Variants in CAMK1D observed in about 807,000 individuals in gnomAD.
CAMK1D encodes the protein calcium/calmodulin-dependent protein kinase type 1D.
CAMK1D carries 9 observed loss-of-function variants against 47.7 expected under a neutral mutation model. That is an observed-to-expected ratio of 0.19 (90% CI 0.11 to 0.33). The LOEUF is 0.33. Among genes scored for constraint, CAMK1D ranks in the 10% least tolerant of loss-of-function variants. The pLI is 1.00. For synonymous variants in CAMK1D, 184 were observed against 184.9 expected (o/e 0.99, Z 0.04); for missense variants, 291 against 488.7 (o/e 0.60, Z 3.81).
intron 7 of CAMK1D, among the ~76,000 whole-genome samples, chr10:12,814,893 A>T (rs1239119641): frequency 6.6e-6 from 1 of 152,198 alleles, no homozygotes; most frequent in Non-Finnish European, 1.5e-5. Flanking sequence ...ACGCTGAGAG[A>T]TGGGGACCCA....
chr10:12,534,457 C>T (rs919919241), intron 1 of CAMK1D, among the ~76,000 whole-genome samples: 1 of 152,228 alleles, frequency 6.6e-6, no homozygotes, highest in African/African-American at 2.4e-5. Flanking sequence ...ACCTCCACCT[C>T]CTGGGTTCAA....
intron 1 of CAMK1D, among the ~76,000 whole-genome samples, chr10:12,427,339 C>G (rs1394423412): frequency 6.6e-6 from 1 of 152,200 alleles, no homozygotes; most frequent in East Asian, 1.9e-4. Context: ...TGGCAGGTGG[C>G]TGCCCAGAGG....
intron 2 of CAMK1D, among the ~76,000 whole-genome samples, chr10:12,598,402 T>G (rs776102019): frequency 6.6e-6 from 1 of 152,218 alleles, no homozygotes; most frequent in Non-Finnish European, 1.5e-5. Flanking sequence ...TAAGGGGCTC[T>G]CAAGATACAT....
intron 1 of CAMK1D, among the ~76,000 whole-genome samples, chr10:12,523,160 G>A (rs1313186274): frequency 6.6e-6 from 1 of 151,740 alleles, no homozygotes. Context: ...TCGCGGCTGG[G>A]CAGAGGCGCT....
intron 6 of CAMK1D, among the ~76,000 whole-genome samples, chr10:12,796,258 G>A (rs891775519): frequency 2.0e-5 from 3 of 152,184 alleles, no homozygotes; most frequent in South Asian, 2.1e-4. Flanking sequence ...AGAGCAGGCT[G>A]GACGGGTGGG....
intron 1 of CAMK1D, among the ~76,000 whole-genome samples, chr10:12,505,123 T>C (rs1191462051): frequency 6.6e-6 from 1 of 152,212 alleles, no homozygotes. Flanking sequence ...CTGTGAGCAT[T>C]GTTAACCCCA....
chr10:12,580,192 C>T (rs1316528551), intron 2 of CAMK1D, among the ~76,000 whole-genome samples: 1 of 152,166 alleles, frequency 6.6e-6, no homozygotes, highest in Non-Finnish European at 1.5e-5. Flanking sequence ...TGAGCCAGAT[C>T]TGTCCTGTCT....
In CAMK1D at chr10:12,773,805, A is replaced by T. The variant is rs146501913; in HGVS notation, c.565+4006A>T. ...GCCTCCCTACTCAGGAGGCTGAGGC[A>T]GGAGAATCACTTAAACCTGGGAGAC... is the stretch of plus-strand genomic sequence containing the variant. On this transcript the variant is annotated intron_variant, in intron 5 of 10. Coordinates refer to ENST00000619168, the MANE Select transcript of CAMK1D (RefSeq NM_153498.4). 4.0e-3 allele frequency among the ~76,000 whole-genome samples: 612 copies of T among 152,304 alleles called. 8 individuals carry two copies. The East Asian group carries it at 0.058, about 14-fold the overall frequency.
chr10:12,731,864 T>G (rs1356185835), intron 3 of CAMK1D, among the ~76,000 whole-genome samples: 1 of 152,026 alleles, frequency 6.6e-6, no homozygotes, highest in African/African-American at 2.4e-5. Flanking sequence ...GGGTTGCAGT[T>G]CCTGATAATG....
intron 1 of CAMK1D, among the ~76,000 whole-genome samples, chr10:12,490,838 C>T (rs978838613): frequency 4.6e-5 from 7 of 152,056 alleles, no homozygotes; most frequent in African/African-American, 1.2e-4. Flanking sequence ...AATGTTTGCG[C>T]GTGATAGATA....
At chr10:12,545,800 A>AAAAAAG (rs1179512555) in intron 1 of CAMK1D, among the ~76,000 whole-genome samples, 3 of 152,154 alleles carry the variant, frequency 2.0e-5, no homozygotes, top group Non-Finnish European at 4.4e-5. Context: ...ACTCCGTCTC[A>AAAAAAG]AAAAAGAAAA....
chr10:12,604,209 G>A lies in CAMK1D; in HGVS notation c.224+50853G>A, dbSNP rs374789221. Among the ~76,000 whole-genome samples the A allele has an allele frequency of 1.6e-4, 24 of 152,268 alleles. 2 individuals are homozygous for A. The highest frequency in any genetic ancestry group is 1.2e-3 in the Admixed American group (18 of 15,294). ...TCTGTAATTCTTAGCACCCAACCAAGCCTGTGCCTGGTACAGAATCATCGT... is the reference window on the plus strand; with the variant it reads ...TCTGTAATTCTTAGCACCCAACCAAACCTGTGCCTGGTACAGAATCATCGT... On this transcript the variant is annotated intron_variant, in intron 2 of 10. Coordinates refer to ENST00000619168, the MANE Select transcript of CAMK1D (RefSeq NM_153498.4).
intron 1 of CAMK1D, among the ~76,000 whole-genome samples, chr10:12,510,513 C>T (rs1003310612): frequency 3.3e-5 from 5 of 152,212 alleles, no homozygotes; most frequent in African/African-American, 7.2e-5. Flanking sequence ...TTTTACCTAC[C>T]ACACAAACAC....
chr10:12,708,847 A>C (rs1050952196), intron 3 of CAMK1D, among the ~76,000 whole-genome samples: 1 of 152,174 alleles, frequency 6.6e-6, no homozygotes, highest in Non-Finnish European at 1.5e-5. Context: ...TGATCCCATT[A>C]GGCCAGGCGT....
At chr10:12,683,618 A>G (rs926893882) in intron 3 of CAMK1D, among the ~76,000 whole-genome samples, 1 of 151,956 alleles carries the variant, frequency 6.6e-6, no homozygotes, top group African/African-American at 2.4e-5. Flanking sequence ...TCTTCTGACT[A>G]TGAGCTTCTT....
At chr10:12,797,150 G>A (rs1402893462) in intron 6 of CAMK1D, among the ~76,000 whole-genome samples, 2 of 151,762 alleles carry the variant, frequency 1.3e-5, no homozygotes, top group South Asian at 2.1e-4. Context: ...GGATGATTCC[G>A]CTGAGCAGCT....
chr10:12,800,962 A>G (rs752676053), intron 6 of CAMK1D, among the ~76,000 whole-genome samples: 11 of 152,118 alleles, frequency 7.2e-5, no homozygotes, highest in African/African-American at 1.2e-4. Flanking sequence ...CCAAAATTTT[A>G]AAGTATGTTG....
chr10:12,364,538 T>C (rs910757562), intron 1 of CAMK1D, among the ~76,000 whole-genome samples: 1 of 151,948 alleles, frequency 6.6e-6, no homozygotes, highest in African/African-American at 2.4e-5. Context: ...CCACCACGCA[T>C]GGCCATCATT....
At chr10:12,712,646 T>C (rs1833980586) in intron 3 of CAMK1D, among the ~76,000 whole-genome samples, 1 of 152,188 alleles carries the variant, frequency 6.6e-6, no homozygotes, top group Non-Finnish European at 1.5e-5. Context: ...GGGCCCCATT[T>C]GTTTGACATC....
Sources: allele counts gnomAD v4.1 joint callset (sites outside exome capture counted in the v4.1 genomes callset), GRCh38; gene constraint gnomAD v4.1.1; transcripts MANE v1.5; gene names NCBI Gene and HGNC (gene_info 2026-07-23, HGNC 2026-07-21).